The following ADGRL2 variants were observed in gnomAD, a reference collection of about 807,000 sequenced individuals.
ADGRL2 encodes adhesion G protein-coupled receptor L2.
ADGRL2 carries 44 observed loss-of-function variants against 157.4 expected under a neutral mutation model. The ratio of observed to expected loss-of-function variants is 0.28; its 90% CI spans 0.22 to 0.36. ADGRL2 has a LOEUF of 0.36. ADGRL2 is among the 10% of genes least tolerant of loss of function. The pLI, the probability that ADGRL2 is intolerant of heterozygous loss-of-function variation, is 1.00. For synonymous variants in ADGRL2, 585 were observed against 624.7 expected (o/e 0.94, Z 0.95); for missense variants, 1,510 against 1,768.9 (o/e 0.85, Z 2.63).
chr1:81,672,193 G>T (rs1557554077), intron 3 of ADGRL2, among the ~76,000 whole-genome samples: 1 of 152,180 alleles, frequency 6.6e-6, no homozygotes, highest in Admixed American at 6.5e-5. Flanking sequence ...AAACTCTGCA[G>T]ATTTCTAAGA....
At chr1:81,349,189 C>T (rs1052823893) in intron 1 of ADGRL2, among the ~76,000 whole-genome samples, 6 of 152,098 alleles carry the variant, frequency 3.9e-5, no homozygotes, top group Non-Finnish European at 7.3e-5. Context: ...GCCATTAAAC[C>T]GTGTTGGGGA....
At chr1:81,830,981 C>T (rs35134484) in intron 1 of ADGRL2, among the ~76,000 whole-genome samples, 11,856 of 151,986 alleles carry the variant, frequency 0.078, 537 homozygotes, top group South Asian at 0.16. Context: ...AATATTGATT[C>T]GGGGAATGGC....
At chr1:81,930,162 T>C (rs139499100) in intron 3 of ADGRL2, among the ~76,000 whole-genome samples, 2 of 152,308 alleles carry the variant, frequency 1.3e-5, no homozygotes, top group East Asian at 3.9e-4. Context: ...GTATAAGTAA[T>C]GTGTGCATTG....
intron 1 of ADGRL2, among the ~76,000 whole-genome samples, chr1:81,438,039 GAAAA>G (rs36104208): frequency 6.9e-6 from 1 of 144,094 alleles, no homozygotes; most frequent in Non-Finnish European, 1.5e-5. Flanking sequence ...CCTGTTTGGG[GAAAA>G]AAAAAAAAAA....
intron 2 of ADGRL2, among the ~76,000 whole-genome samples, chr1:81,547,558 T>C (rs2080048770): frequency 6.6e-6 from 1 of 152,262 alleles, no homozygotes; most frequent in South Asian, 2.1e-4. Flanking sequence ...CTAGTATTGT[T>C]GTTATTTCAT....
intron 1 of ADGRL2, among the ~76,000 whole-genome samples, chr1:81,726,982 T>C (rs569872774): frequency 3.9e-5 from 6 of 152,258 alleles, no homozygotes; most frequent in Non-Finnish European, 8.8e-5. Flanking sequence ...TCATGTGGCA[T>C]TTTTAATACA....
At chr1:81,333,635 C>T (rs566040293) in intron 1 of ADGRL2, among the ~76,000 whole-genome samples, 1 of 151,966 alleles carries the variant, frequency 6.6e-6, no homozygotes, top group African/African-American at 2.4e-5. Flanking sequence ...CCAGGCTGGT[C>T]TTGAACTCTT....
intron 3 of ADGRL2, among the ~76,000 whole-genome samples, chr1:81,634,522 TTTTGGTTTTTTTG>T (rs1023702475): frequency 2.0e-5 from 3 of 148,030 alleles, no homozygotes; most frequent in African/African-American, 5.0e-5. Context: ...GTTTTTTTTT[TTTTGGTTTTTTTG>T]TTTGTTTGTT....
At chr1:81,860,451 C>T (rs547834283) in intron 2 of ADGRL2, among the ~76,000 whole-genome samples, 49 of 152,074 alleles carry the variant, frequency 3.2e-4, no homozygotes, top group African/African-American at 1.2e-3. Context: ...TGCTGGGATT[C>T]TAAGTGTGAG....
chr1:81,549,782 C>A (rs985619143), intron 2 of ADGRL2, among the ~76,000 whole-genome samples: 1 of 152,050 alleles, frequency 6.6e-6, no homozygotes, highest in African/African-American at 2.4e-5. Context: ...ATGAGAGGTA[C>A]CTGTTACCCC....
Position 81,512,870 on chromosome 1 carries a change from G to T in ADGRL2, c.-248+67781G>T, listed in dbSNP as rs138075132. ...ACCTGAATAATGCTTACTAGAAAGA[G>T]TTCAATGGAATTTACTTAATCAGAA... On this transcript the variant is annotated intron_variant, in intron 2 of 24. Transcript: ENST00000370721. Among the ~76,000 whole-genome samples, 979 of 151,972 alleles carry T rather than the reference G, an allele frequency of 6.4e-3. 8 individuals are homozygous for T. The highest frequency in any genetic ancestry group is 0.039 in the South Asian group (189 of 4,808).
At chr1:81,874,145 G>A (rs915544541) in intron 2 of ADGRL2, among the ~76,000 whole-genome samples, 1 of 151,970 alleles carries the variant, frequency 6.6e-6, no homozygotes, top group Non-Finnish European at 1.5e-5. Context: ...ACATTCTTCC[G>A]TGGCATTGAA....
chr1:81,459,816 A>G (rs1034006100), intron 2 of ADGRL2, among the ~76,000 whole-genome samples: 12 of 145,112 alleles, frequency 8.3e-5, no homozygotes, highest in East Asian at 6.0e-4. Flanking sequence ...GTGTTTGTAT[A>G]TATATATATA....
intron 22 of ADGRL2, 33 bp from the exon 23 acceptor site, chr1:81,987,836 G>GT (rs540574861): frequency 4.2e-4 from 128 of 301,600 alleles, no homozygotes; most frequent in South Asian, 1.6e-3. Context: ...TCATTCTCTT[G>GT]TTTTTTTTCA....
intron 2 of ADGRL2, among the ~76,000 whole-genome samples, chr1:81,899,482 A>G (rs944727917): frequency 3.9e-5 from 6 of 152,162 alleles, no homozygotes; most frequent in African/African-American, 1.4e-4. Flanking sequence ...ATATCTTGAC[A>G]TTTTATAGCT....
At chr1:81,309,633 G>A (rs1659599618) in intron 1 of ADGRL2, among the ~76,000 whole-genome samples, 2 of 152,054 alleles carry the variant, frequency 1.3e-5, no homozygotes, top group Admixed American at 1.3e-4. Flanking sequence ...ATCTCAATCT[G>A]TATTATCATT....
chr1:81,478,856 T>C (rs1435194566), intron 2 of ADGRL2, among the ~76,000 whole-genome samples: 2 of 152,212 alleles, frequency 1.3e-5, no homozygotes, highest in African/African-American at 4.8e-5. Context: ...TTTTTTCTTG[T>C]TTCAATGGAA....
At chr1:81,788,436 C>T (rs1483362688) in intron 2 of ADGRL2, among the ~76,000 whole-genome samples, 2 of 152,162 alleles carry the variant, frequency 1.3e-5, no homozygotes, top group African/African-American at 4.8e-5. Context: ...CAAGTCTGCT[C>T]CCCCTTTGCC....
intron 1 of ADGRL2, among the ~76,000 whole-genome samples, chr1:81,324,431 C>T (rs1660742880): frequency 2.6e-5 from 4 of 151,154 alleles, no homozygotes; most frequent in Admixed American, 2.0e-4. Flanking sequence ...ATGGTTTGAG[C>T]CCGAGAAGTC....
Sources: allele counts gnomAD v4.1 joint callset (sites outside exome capture counted in the v4.1 genomes callset), GRCh38; gene constraint gnomAD v4.1.1; transcripts MANE v1.5; gene names NCBI Gene and HGNC (gene_info 2026-07-23, HGNC 2026-07-21).